GRIK4: variants seen among roughly 807,000 people sequenced by gnomAD.
GRIK4 encodes glutamate ionotropic receptor kainate type subunit 4.
In GRIK4, 40 loss-of-function variants were observed where a neutral mutation model predicts 104.9. The observed-to-expected ratio is 0.38, with a 90% CI of 0.30 to 0.50. GRIK4 has a LOEUF of 0.50. GRIK4 is among the 20% of genes least tolerant of loss of function. The pLI, the probability that GRIK4 is intolerant of heterozygous loss-of-function variation, is 0.93. For missense variants in GRIK4, 1,047 were observed against 1,308.1 expected (o/e 0.80, Z 3.08); for synonymous variants, 485 against 524.9 (o/e 0.92, Z 1.04).
At chr11:120,610,852 A>T (rs1949028088) in intron 1 of GRIK4, among the ~76,000 whole-genome samples, 1 of 152,150 alleles carries the variant, frequency 6.6e-6, no homozygotes. Context: ...ATGCCTAGTG[A>T]GTCACAAGCC....
At chr11:120,719,978 A>C (rs1479127735) in intron 3 of GRIK4, among the ~76,000 whole-genome samples, 1 of 152,010 alleles carries the variant, frequency 6.6e-6, no homozygotes, top group Non-Finnish European at 1.5e-5. Context: ...AATTCAAGAA[A>C]GAGATAAGGT....
chr11:120,527,852 G>A (rs1330463869), intron 1 of GRIK4, among the ~76,000 whole-genome samples: 4 of 152,216 alleles, frequency 2.6e-5, no homozygotes, highest in African/African-American at 7.2e-5. Flanking sequence ...CTTTACCAGC[G>A]GAACCAGCCT....
intron 12 of GRIK4, among the ~76,000 whole-genome samples, chr11:120,904,637 G>A (rs528830980): frequency 6.6e-5 from 10 of 152,142 alleles, no homozygotes; most frequent in South Asian, 2.1e-4. Context: ...CTCCCATCTC[G>A]CCCCTGCTCA....
At chr11:120,976,183 CA>C (rs1238054963) in intron 19 of GRIK4, among the ~76,000 whole-genome samples, 1 of 152,104 alleles carries the variant, frequency 6.6e-6, no homozygotes, top group Non-Finnish European at 1.5e-5. Flanking sequence ...AATGAGATAG[CA>C]AATGAAAAAT....
rs75554540 is a variant in GRIK4 at position 120,831,285 on chromosome 11, C to G, written c.512-567C>G. On this transcript the variant is annotated intron_variant, in intron 6 of 20. Coordinates refer to ENST00000527524, the MANE Select transcript of GRIK4 (RefSeq NM_014619.5). ...TCCAAAATGAAAACAAAGGCTCTTA[C>G]AGAGCCCAGTGTAACATTTGTGAGG... is the stretch of plus-strand genomic sequence containing the variant. 3.2e-3 allele frequency among the ~76,000 whole-genome samples: 484 copies of G among 152,362 alleles called. 3 individuals are homozygous for G. Among genetic ancestry groups the G allele is most frequent in the African/African-American group, 0.011 (468 of 41,576 alleles).
At chr11:120,747,890 C>T (rs574538951) in intron 3 of GRIK4, among the ~76,000 whole-genome samples, 1 of 152,380 alleles carries the variant, frequency 6.6e-6, no homozygotes, top group Admixed American at 6.5e-5. Flanking sequence ...AAGCCTCACC[C>T]TCTCCAAGTG....
intron 1 of GRIK4, among the ~76,000 whole-genome samples, chr11:120,557,308 T>G (rs561514908): frequency 3.3e-5 from 5 of 152,232 alleles, no homozygotes; most frequent in African/African-American, 1.2e-4. Flanking sequence ...ACGCTCTAGG[T>G]CCGCTGCCTT....
intron 13 of GRIK4, among the ~76,000 whole-genome samples, chr11:120,934,009 C>T (rs1009096864): frequency 3.3e-5 from 5 of 152,014 alleles, no homozygotes; most frequent in African/African-American, 1.2e-4. Flanking sequence ...TCGAGACCAT[C>T]CTGGCTAACA....
At chr11:120,523,890 G>A (rs71484175) in intron 1 of GRIK4, among the ~76,000 whole-genome samples, 15,291 of 151,352 alleles carry the variant, frequency 0.1, 973 homozygotes, top group African/African-American at 0.17. Context: ...CACAAGGCAC[G>A]GGTTCCATTG....
chr11:120,745,885 T>C (rs1951430163), intron 3 of GRIK4, among the ~76,000 whole-genome samples: 1 of 152,186 alleles, frequency 6.6e-6, no homozygotes, highest in African/African-American at 2.4e-5. Context: ...TGAGCCCCTT[T>C]GCAACCTCAG....
Position 120,709,858 on chromosome 11 carries a change from C to T in GRIK4, c.82+49458C>T, listed in dbSNP as rs115956156. Among the ~76,000 whole-genome samples, 255 of 152,318 alleles carry T rather than the reference C, an allele frequency of 1.7e-3. 1 individual carries two copies. Among genetic ancestry groups the T allele is most frequent in the African/African-American group, 6.0e-3 (248 of 41,564 alleles). Reference sequence around the variant, plus strand: ...GACAAGGAATAAAATGGCCGGGATGCTCTCAGCCACCTGTGAGACTCAGAG... The same window carrying T: ...GACAAGGAATAAAATGGCCGGGATGTTCTCAGCCACCTGTGAGACTCAGAG... On this transcript the variant is annotated intron_variant, in intron 3 of 20. Transcript: ENST00000527524.
intron 4 of GRIK4, among the ~76,000 whole-genome samples, chr11:120,810,730 A>G (rs1055290125): frequency 1.3e-5 from 2 of 152,242 alleles, no homozygotes; most frequent in Non-Finnish European, 2.9e-5. Context: ...ATAGTGGTAT[A>G]CTAATATATA....
At chr11:120,830,034 A>G (rs1217074121) in intron 6 of GRIK4, among the ~76,000 whole-genome samples, 1 of 152,142 alleles carries the variant, frequency 6.6e-6, no homozygotes, top group Non-Finnish European at 1.5e-5. Flanking sequence ...AGGCCTTCCC[A>G]GGGCTTCTTC....
chr11:120,768,722 C>G (rs1565341290), intron 3 of GRIK4, among the ~76,000 whole-genome samples: 1 of 152,072 alleles, frequency 6.6e-6, no homozygotes, highest in Non-Finnish European at 1.5e-5. Context: ...TTCTTCTATA[C>G]CTAAACTGTT....
chr11:120,602,351 A>G (rs1948899059), intron 1 of GRIK4, among the ~76,000 whole-genome samples: 1 of 152,162 alleles, frequency 6.6e-6, no homozygotes, highest in Non-Finnish European at 1.5e-5. Flanking sequence ...ATTGATTACC[A>G]TCCTGCTGGC....
chr11:120,613,506 T>TG (rs1489213664), intron 1 of GRIK4, among the ~76,000 whole-genome samples: 1 of 152,206 alleles, frequency 6.6e-6, no homozygotes, highest in Non-Finnish European at 1.5e-5. Context: ...CAAATAGCAC[T>TG]GGGGGGATTG....
At chr11:120,546,135 C>A (rs1423317428) in intron 1 of GRIK4, among the ~76,000 whole-genome samples, 1 of 152,182 alleles carries the variant, frequency 6.6e-6, no homozygotes, top group Non-Finnish European at 1.5e-5. Flanking sequence ...GGGCTGCATC[C>A]TCCAAGGGGG....
intron 1 of GRIK4, among the ~76,000 whole-genome samples, chr11:120,623,922 C>T (rs1461639654): frequency 1.3e-5 from 2 of 151,868 alleles, no homozygotes; most frequent in South Asian, 2.1e-4. Flanking sequence ...GGGCCCTCCC[C>T]GTTCCTCCTC....
chr11:120,964,511 T>A (rs991665505), intron 18 of GRIK4, among the ~76,000 whole-genome samples: 1 of 152,194 alleles, frequency 6.6e-6, no homozygotes, highest in African/African-American at 2.4e-5. Context: ...TTGAGAGATA[T>A]ACTCGCTGAC....
Sources: gnomAD v4.1 joint callset for allele counts (sites outside exome capture counted in the v4.1 genomes callset) on GRCh38, gnomAD v4.1.1 for gene constraint, MANE v1.5 for transcripts, NCBI Gene and HGNC (gene_info 2026-07-23, HGNC 2026-07-21) for gene names.